The following DNAH12 variants were observed in gnomAD, a reference collection of about 807,000 sequenced individuals.
DNAH12 encodes the protein dynein axonemal heavy chain 12.
A neutral mutation model predicts 371.5 loss-of-function variants in DNAH12; 285 were observed. That is an observed-to-expected ratio of 0.77 (90% CI 0.70 to 0.85). The LOEUF is 0.85. Among genes scored for constraint, DNAH12 ranks in the 40% least tolerant of loss-of-function variants. The pLI is 0.00. For missense variants in DNAH12, 3,611 were observed against 3,689.4 expected (o/e 0.98, Z 0.55); for synonymous variants, 1,200 against 1,213.0 (o/e 0.99, Z 0.22).
intron 59 of DNAH12, among the ~76,000 whole-genome samples, chr3:57,356,488 T>TA (rs1348983261): frequency 7.1e-6 from 1 of 141,568 alleles, no homozygotes; most frequent in Non-Finnish European, 1.6e-5. Context: ...AATAAATAAA[T>TA]AAAATAAAGA....
At chr3:57,297,147 C>T (rs904334716) in intron 70 of DNAH12, 163 bp from the exon 71 acceptor site, 8 of 652,340 alleles carry the variant, frequency 1.2e-5, no homozygotes, top group Non-Finnish European at 2.1e-5. Context: ...GCCCTCTCAC[C>T]TCTTTCCCCT....
intron 62 of DNAH12, among the ~76,000 whole-genome samples, chr3:57,323,859 T>C (rs1575450272): frequency 1.3e-5 from 2 of 152,126 alleles, no homozygotes; most frequent in African/African-American, 4.8e-5. Context: ...CAAGTACAAA[T>C]TGATCCTAAA....
chr3:57,328,615 G>A (rs1296297404), intron 62 of DNAH12, among the ~76,000 whole-genome samples: 1 of 150,868 alleles, frequency 6.6e-6, no homozygotes, highest in Non-Finnish European at 1.5e-5. Context: ...TACTGAATGG[G>A]CAAAAACTGG....
intron 57 of DNAH12, among the ~76,000 whole-genome samples, chr3:57,365,889 C>G (rs977227722): frequency 6.7e-6 from 1 of 150,018 alleles, no homozygotes; most frequent in African/African-American, 2.5e-5. Flanking sequence ...AAATGTATTT[C>G]TATTTACGGT....
At chr3:57,416,638 G>GT (rs2064385285) in intron 37 of DNAH12, among the ~76,000 whole-genome samples, 1 of 152,106 alleles carries the variant, frequency 6.6e-6, no homozygotes, top group Non-Finnish European at 1.5e-5. Context: ...ATAGCCAAAG[G>GT]TTTTGTGAGA....
chr3:57,305,306 T>G (rs1025687413), intron 69 of DNAH12, among the ~76,000 whole-genome samples: 5 of 151,924 alleles, frequency 3.3e-5, no homozygotes, highest in Admixed American at 2.6e-4. Context: ...TTTCTAATCT[T>G]CCTTTTCTAC....
At position 57,333,329 on chromosome 3, in the gene DNAH12, C is replaced by CTTTTTTTTTTTTTTT. The variant is rs34135477; in HGVS notation, c.9978+1121_9978+1135dup. Among the ~76,000 whole-genome samples the CTTTTTTTTTTTTTTT allele has an allele frequency of 8.5e-4, 94 of 111,076 alleles. 10 individuals carry two copies. Among genetic ancestry groups the CTTTTTTTTTTTTTTT allele is most frequent in the African/African-American group, 4.2e-3 (91 of 21,910 alleles). The allele number at this position is 111,076 out of a possible 152,430, so 72.9% of individuals were successfully genotyped here. On this transcript the variant is annotated intron_variant, in intron 62 of 73. Coordinates refer to ENST00000495027, the MANE Select transcript of DNAH12 (RefSeq NM_001366028.2). ...CGGATACATGTTCTTTTTAAGGCAA[C>CTTTTTTTTTTTTTTT]TTTTTTTTTTTTTTTTTTTTAGATG... is the stretch of plus-strand genomic sequence containing the variant.
chr3:57,415,286 A>T, intron 38 of DNAH12, 140 bp downstream of exon 38: 1 of 1,190,140 alleles, frequency 8.4e-7, no homozygotes, highest in Non-Finnish European at 1.1e-6. Context: ...ATTAATTCCA[A>T]AAACTTGTAA....
chr3:57,433,081 T>G (rs1391241687), intron 32 of DNAH12, among the ~76,000 whole-genome samples: 3 of 151,376 alleles, frequency 2.0e-5, no homozygotes, highest in South Asian at 2.1e-4. Flanking sequence ...TAAGAAACCA[T>G]AAGACTGAAG....
intron 62 of DNAH12, among the ~76,000 whole-genome samples, chr3:57,328,897 A>G (rs956702588): frequency 7.6e-6 from 1 of 132,058 alleles, no homozygotes; most frequent in Admixed American, 7.8e-5. Context: ...AAAAATCACA[A>G]GCATTCTTAT....
intron 2 of DNAH12, among the ~76,000 whole-genome samples, chr3:57,530,139 A>G (rs1319301999): frequency 6.6e-6 from 1 of 152,082 alleles, no homozygotes; most frequent in African/African-American, 2.4e-5. Context: ...TTTAAGTTCA[A>G]TTCAAATTTT....
intron 52 of DNAH12, among the ~76,000 whole-genome samples, chr3:57,377,962 T>G (rs1465285196): frequency 6.6e-6 from 1 of 152,098 alleles, no homozygotes; most frequent in Non-Finnish European, 1.5e-5. Flanking sequence ...TTGCTGTGAA[T>G]GAAGCTGAAG....
At chr3:57,478,614 C>T (rs555651469) in intron 13 of DNAH12, among the ~76,000 whole-genome samples, 2 of 151,854 alleles carry the variant, frequency 1.3e-5, no homozygotes, top group East Asian at 1.9e-4. Flanking sequence ...CTCCAAGAAA[C>T]GTAATTGTCA....
At chr3:57,319,223 C>T (rs2061751499) in intron 65 of DNAH12, among the ~76,000 whole-genome samples, 1 of 152,000 alleles carries the variant, frequency 6.6e-6, no homozygotes, top group East Asian at 1.9e-4. Flanking sequence ...ATTTTGTACC[C>T]TAAACTTTAC....
chr3:57,538,554 G>T (rs1421475747), intron 2 of DNAH12, among the ~76,000 whole-genome samples: 4 of 152,082 alleles, frequency 2.6e-5, no homozygotes, highest in Admixed American at 6.6e-5. Context: ...GAAAATAAAA[G>T]TACATTGTGT....
chr3:57,419,528 A>T lies in DNAH12; in HGVS notation c.5563-10T>A. On this transcript the variant is annotated splice_polypyrimidine_tract_variant and intron_variant, in intron 36 of 73. Transcript: ENST00000495027. The stretch of plus-strand genomic sequence containing the variant: ...GACCTTTGTTTTTCAACTACAAGAA[A>T]ATATAAGTTTTAAAATATTAAAACC... 7.0e-7 allele frequency: 1 copy of T among 1,423,216 alleles called. No individual in the cohort carries two copies. The highest frequency in any genetic ancestry group is 9.2e-7 in the Non-Finnish European group (1 of 1,087,548). The allele number at this position is 1,423,216 out of a possible 1,614,324, so 88.2% of individuals were successfully genotyped here. A position where few individuals can be genotyped will look rare whatever the true frequency, so the allele number is the denominator to read the frequency against.
At chr3:57,516,400 C>A (rs1264034064) in intron 4 of DNAH12, among the ~76,000 whole-genome samples, 1 of 151,960 alleles carries the variant, frequency 6.6e-6, no homozygotes, top group Middle Eastern at 3.2e-3. Context: ...TGTGATAGTC[C>A]CCAGTCCCTC....
chr3:57,301,058 G>T (rs1318754125), intron 70 of DNAH12, among the ~76,000 whole-genome samples: 5 of 151,986 alleles, frequency 3.3e-5, no homozygotes, highest in African/African-American at 1.2e-4. Flanking sequence ...GGGAGGCCAA[G>T]GTGGGAGGAT....
upstream of DNAH12, among the ~76,000 whole-genome samples, chr3:57,546,077 C>T (rs1057410045): frequency 2.6e-5 from 4 of 152,012 alleles, no homozygotes; most frequent in Non-Finnish European, 4.4e-5. Flanking sequence ...TGATAGGTCC[C>T]GAGCCAAGCT....
Sources: gnomAD v4.1 joint callset for allele counts (sites outside exome capture counted in the v4.1 genomes callset) on GRCh38, gnomAD v4.1.1 for gene constraint, MANE v1.5 for transcripts, NCBI Gene and HGNC (gene_info 2026-07-23, HGNC 2026-07-21) for gene names.